The following BACH2 variants were observed in gnomAD, a reference collection of about 807,000 sequenced individuals.
BACH2 encodes transcription regulator protein BACH2.
BACH2 carries 5 observed loss-of-function variants against 61.8 expected under a neutral mutation model. That is an observed-to-expected ratio of 0.08 (90% CI 0.04 to 0.17). The LOEUF (loss-of-function observed/expected upper bound fraction) is 0.17, where lower values mean the gene tolerates loss of function less well. BACH2 is among the 10% of genes least tolerant of loss of function. The pLI is 1.00. For missense variants in BACH2, 824 were observed against 1,091.1 expected, an observed-to-expected ratio of 0.76 and a Z score of 3.45; for synonymous variants, 446 against 440.1, an observed-to-expected ratio of 1.01 and a Z score of -0.17.
At chr6:90,183,059 C>G (rs1768223120) in intron 4 of BACH2, among the ~76,000 whole-genome samples, 1 of 152,164 alleles carries the variant, frequency 6.6e-6, no homozygotes, top group South Asian at 2.1e-4. Context: ...CTCTCACTCC[C>G]TCTCAAATGC....
chr6:90,115,109 C>A (rs1275261299), intron 4 of BACH2, among the ~76,000 whole-genome samples: 3 of 152,102 alleles, frequency 2.0e-5, no homozygotes, highest in Non-Finnish European at 4.4e-5. Flanking sequence ...AAGCAATTTA[C>A]AGATTCAGTG....
intron 6 of BACH2, among the ~76,000 whole-genome samples, chr6:90,005,453 G>A (rs866332389): frequency 6.6e-6 from 1 of 152,206 alleles, no homozygotes; most frequent in Non-Finnish European, 1.5e-5. Flanking sequence ...ACCAAATGCC[G>A]ATTAGTTCCA....
chr6:90,142,018 T>C (rs1784477741), intron 4 of BACH2, among the ~76,000 whole-genome samples: 1 of 152,256 alleles, frequency 6.6e-6, no homozygotes, highest in South Asian at 2.1e-4. Context: ...AGGTCGAGGT[T>C]ATAAGTGAGC....
At chr6:90,138,091 G>GTC (rs148368802) in intron 4 of BACH2, among the ~76,000 whole-genome samples, 2,414 of 126,426 alleles carry the variant, frequency 0.019, 32 homozygotes, top group African/African-American at 0.03. Context: ...CACACACACA[G>GTC]TCTCTCTCTC....
At chr6:90,081,826 T>G (rs914682506) in intron 5 of BACH2, among the ~76,000 whole-genome samples, 2 of 152,184 alleles carry the variant, frequency 1.3e-5, no homozygotes, top group African/African-American at 4.8e-5. Context: ...AACAATTCCT[T>G]AAATTTTACC....
At chr6:90,128,033 C>CT (rs1043482137) in intron 4 of BACH2, among the ~76,000 whole-genome samples, 102 of 148,716 alleles carry the variant, frequency 6.9e-4, no homozygotes, top group African/African-American at 2.6e-3. Context: ...TTCCCTTATG[C>CT]CCCCCCATCT....
intron 5 of BACH2, among the ~76,000 whole-genome samples, chr6:90,065,832 A>G (rs191219167): frequency 6.6e-6 from 1 of 152,348 alleles, no homozygotes; most frequent in African/African-American, 2.4e-5. Flanking sequence ...TGGAAGCACG[A>G]CACGTGTGGG....
chr6:89,938,304 T>C lies in BACH2; in HGVS notation c.1883A>G (p.Asn628Ser). Residue 628 changes from asparagine to serine, a missense_variant, in exon 8 of 9, where the codon AAC (asparagine) becomes AGC (serine). Around this residue, in one of 8 missense-constraint regions of BACH2, gnomAD observed 160 missense variants for 283.5 expected, o/e 0.56. Transcript: ENST00000257749. ...PVDQITDLPR[N>S]DFQMMIKMHK... is the part of the protein sequence containing the mutation. The stretch of plus-strand genomic sequence containing the variant: ...CATTTTAATCATCATCTGGAAATCG[T>C]TCCTTGGAAGATCTGTGATTTGATC... 6.2e-7 allele frequency: 1 copy of C among 1,614,238 alleles called. No homozygotes were observed. Among genetic ancestry groups the C allele is most frequent in the East Asian group, 2.2e-5 (1 of 44,892 alleles).
chr6:90,030,356 G>A (rs932278666), intron 5 of BACH2, among the ~76,000 whole-genome samples: 3 of 152,094 alleles, frequency 2.0e-5, no homozygotes, highest in Admixed American at 1.3e-4. Flanking sequence ...TGGAAGGCCT[G>A]GGTTTGAGAG....
rs1258603759 is a variant in BACH2 at position 89,951,107 on chromosome 6, C to A, written c.999G>T (p.Arg333Ser). The A allele has an allele frequency of 1.9e-6, 3 of 1,612,726 alleles. No homozygotes were observed. Among genetic ancestry groups the A allele is most frequent in the Non-Finnish European group, 1.7e-6 (2 of 1,179,528 alleles). The part of the protein sequence containing the change: ...PAGAACLERS[R>S]SVASPSCLRS... ...TTAAGCAGGAGGGCGAGGCCACGCT[C>A]CTGGATCTCTCCAGGCAGGCGGCCC... Residue 333 changes from arginine to serine, a missense_variant, in exon 7 of 9, where the codon AGG (arginine) becomes AGT (serine). Transcript: ENST00000257749. The surrounding 1 kb of genome is among the most constrained non-coding windows in gnomAD (Gnocchi z 6.4).
intron 3 of BACH2, among the ~76,000 whole-genome samples, chr6:90,220,689 T>C (rs563566752): frequency 1.1e-4 from 17 of 152,158 alleles, no homozygotes; most frequent in East Asian, 1.9e-4. Flanking sequence ...CTTAGGAAAA[T>C]TGTCCACAGA....
At chr6:89,989,762 G>A (rs1330082102) in intron 6 of BACH2, among the ~76,000 whole-genome samples, 2 of 152,146 alleles carry the variant, frequency 1.3e-5, no homozygotes, top group East Asian at 1.9e-4. Context: ...CCTGGGGGAG[G>A]AGGAATCTGA....
chr6:90,263,481 T>C (rs572752943), intron 2 of BACH2, among the ~76,000 whole-genome samples: 17 of 152,226 alleles, frequency 1.1e-4, no homozygotes, highest in Middle Eastern at 3.2e-3. Flanking sequence ...AAATAAACCT[T>C]TTAATTTGTT....
chr6:90,050,327 A>C (rs1280434404), intron 5 of BACH2, among the ~76,000 whole-genome samples: 2 of 152,238 alleles, frequency 1.3e-5, no homozygotes, highest in African/African-American at 2.4e-5. Flanking sequence ...ATGGCTTTAG[A>C]TTCCATATTG....
At chr6:89,944,189 A>C (rs1773598942) in intron 7 of BACH2, among the ~76,000 whole-genome samples, 1 of 152,148 alleles carries the variant, frequency 6.6e-6, no homozygotes, top group Admixed American at 6.5e-5. Context: ...GTCTGTCCCA[A>C]AGTTCTTGGA....
intron 4 of BACH2, among the ~76,000 whole-genome samples, chr6:90,105,891 A>G (rs1406665271): frequency 6.6e-6 from 1 of 152,218 alleles, no homozygotes; most frequent in Non-Finnish European, 1.5e-5. Flanking sequence ...TTTAAGACTT[A>G]TCCCACATTA....
At chr6:90,193,787 A>C (rs551495607) in intron 4 of BACH2, among the ~76,000 whole-genome samples, 2 of 152,356 alleles carry the variant, frequency 1.3e-5, no homozygotes, top group South Asian at 4.1e-4. Flanking sequence ...ATAGGACCTA[A>C]TTAATTTAAG....
rs543300784 is a variant in BACH2 at position 90,209,777 on chromosome 6, GC to G, written c.-274-3097del. Among the ~76,000 whole-genome samples, 602 of 152,092 alleles carry G rather than the reference GC, an allele frequency of 4.0e-3. 4 individuals are homozygous for G. The highest frequency in any genetic ancestry group is 0.013 in the African/African-American group (547 of 41,456). The stretch of plus-strand genomic sequence containing the variant: ...TGATTACGGATCCCTTCCTGCCCCC[GC>G]CCCAACTGTTCTTATGTCATTTTCA... On this transcript the variant is annotated intron_variant, in intron 3 of 8. Transcript: ENST00000257749.
intron 4 of BACH2, among the ~76,000 whole-genome samples, chr6:90,172,770 G>A (rs930276048): frequency 5.3e-5 from 8 of 152,008 alleles, no homozygotes; most frequent in East Asian, 1.9e-4. Context: ...AGAAAACAGC[G>A]ATGATCTGAG....
Sources: gnomAD v4.1 joint callset for allele counts (sites outside exome capture counted in the v4.1 genomes callset) on GRCh38, gnomAD v4.1.1 for gene constraint, gnomAD v4.1.1 regional missense constraint, Gnocchi (gnomAD v3.1) non-coding constraint, MANE v1.5 for transcripts, NCBI Gene and HGNC (gene_info 2026-07-23, HGNC 2026-07-21) for gene names.